DIS3L2: variants seen among roughly 807,000 people sequenced by gnomAD.
DIS3L2 encodes the protein DIS3 like 3'-5' exoribonuclease 2, also known as DIS3-like exonuclease 2.
A neutral mutation model predicts 97.5 loss-of-function variants in DIS3L2; 34 were observed. The ratio of observed to expected loss-of-function variants is 0.35; its 90% CI spans 0.27 to 0.46. The LOEUF is 0.46. Among genes scored for constraint, DIS3L2 ranks in the 20% least tolerant of loss-of-function variants. The pLI, the probability that DIS3L2 is intolerant of heterozygous loss-of-function variation, is 1.00. For missense variants in DIS3L2, 1,038 were observed against 1,146.0 expected, an observed-to-expected ratio of 0.91 and a Z score of 1.36; for synonymous variants, 435 against 445.2, an observed-to-expected ratio of 0.98 and a Z score of 0.29.
chr2:232,326,306 A>C, intron 14 of DIS3L2, among the ~76,000 whole-genome samples: 1 of 139,760 alleles, frequency 7.2e-6, no homozygotes, highest in Admixed American at 7.0e-5. Flanking sequence ...CCCACCCTGC[A>C]CCGTCCAGCT....
At chr2:232,125,562 A>G (rs1047034545) in intron 6 of DIS3L2, among the ~76,000 whole-genome samples, 6 of 152,172 alleles carry the variant, frequency 3.9e-5, no homozygotes, top group Non-Finnish European at 7.4e-5. Context: ...CACTTTACCC[A>G]TAGTATAAGT....
chr2:232,240,472 G>T (rs1693050659), intron 11 of DIS3L2, among the ~76,000 whole-genome samples: 1 of 152,184 alleles, frequency 6.6e-6, no homozygotes, highest in African/African-American at 2.4e-5. Context: ...ATGGGCAATA[G>T]GTAATCTCAA....
intron 16 of DIS3L2, among the ~76,000 whole-genome samples, chr2:232,333,366 G>A (rs1166770570): frequency 6.9e-6 from 1 of 145,810 alleles, no homozygotes; most frequent in Non-Finnish European, 1.5e-5. Context: ...CTTCCTGGGC[G>A]AGAGTAGCAG....
rs1481302589 is a variant in DIS3L2 at position 232,130,665 on chromosome 2, C to T, written c.648C>T (p.Cys216=). ...CGGTTACAAAAGATGAGACCACCTG[C>T]ATTTCACAAGACACAAGAGCTTTAT... The part of the protein sequence containing the change: ...DAPVTKDETT[C]ISQDTRALSE... Residue 216 remains cysteine (C), a synonymous_variant, in exon 7 of 21, where the codon TGC becomes TGT. Coordinates refer to ENST00000325385, the MANE Select transcript of DIS3L2 (RefSeq NM_152383.5). 6.2e-7 allele frequency: 1 copy of T among 1,613,880 alleles called. No homozygotes were observed.
intron 7 of DIS3L2, chr2:232,131,379 CCTCCCTGGTTCAAGCGATT>C (rs1446207923): frequency 1.3e-5 from 2 of 152,358 alleles, no homozygotes; most frequent in African/African-American, 2.4e-5. Context: ...GCAACCTCTG[CCTCCCTGGTTCAAGCGATT>C]CTTCTGCCTC....
At position 232,154,790 on chromosome 2, in the gene DIS3L2, C is replaced by T. The variant is rs1483557288; in HGVS notation, c.951-8669C>T. Among the ~76,000 whole-genome samples the T allele has an allele frequency of 1.2e-4, 17 of 144,722 alleles. No homozygotes were observed. The East Asian group carries it at 3.4e-3, about 29-fold the overall frequency. 94.9% of individuals were successfully genotyped at this position (144,722 alleles called of 152,430 possible). On this transcript the variant is annotated intron_variant, in intron 8 of 20. Transcript: ENST00000325385. ...AGCAAGCCTGGGCAATGGCGGGCGC[C>T]CCTCCCCCAGCCTCGTTGCCGCCTT... is the stretch of plus-strand genomic sequence containing the variant.
rs72998165 is a variant in DIS3L2 at position 232,292,125 on chromosome 2, G to C, written c.1660-7915G>C. Among the ~76,000 whole-genome samples the C allele has an allele frequency of 6.6e-6, 1 of 152,072 alleles. No individual in the cohort carries two copies. Among genetic ancestry groups the C allele is most frequent in the South Asian group, 2.1e-4 (1 of 4,824 alleles). On this transcript the variant is annotated intron_variant, in intron 13 of 20. Coordinates refer to ENST00000325385, the MANE Select transcript of DIS3L2 (RefSeq NM_152383.5). This position sits in a 1 kb window ranked among gnomAD's most constrained non-coding sequence, Gnocchi z 4.4. ...ACACTTTCCTGTCTTGTCTCGTCAC[G>C]CTTCTGGTTATTCTTATGAATGTAG...
chr2:232,100,804 G>GGTGT (rs61079731), intron 6 of DIS3L2, among the ~76,000 whole-genome samples: 21,344 of 147,476 alleles, frequency 0.14, 1,739 homozygotes, highest in Non-Finnish European at 0.19. Context: ...TTGAAAGAAA[G>GGTGT]GTGTGTGTGT....
chr2:232,148,744 CTTTCT>C (rs1326464656), intron 8 of DIS3L2, among the ~76,000 whole-genome samples: 3 of 77,394 alleles, frequency 3.9e-5, no homozygotes, highest in Non-Finnish European at 7.9e-5. Flanking sequence ...CCTTAATTTT[CTTTCT>C]TTTTTTTTTT....
rs147363266 is a variant in DIS3L2, at chr2:232,140,807, T to C, written c.950+4088T>C. 2.7e-3 allele frequency among the ~76,000 whole-genome samples: 410 copies of C among 152,300 alleles called. 2 individuals carry two copies. Among genetic ancestry groups the C allele is most frequent in the African/African-American group, 9.1e-3 (377 of 41,568 alleles). On this transcript the variant is annotated intron_variant, in intron 8 of 20. Coordinates refer to ENST00000325385, the MANE Select transcript of DIS3L2 (RefSeq NM_152383.5). ...CAACATTGGAGACTTCCAGTTGTTATAAAGTTATTTTCTATCTTGTTCTTA... is the reference window on the plus strand; with the variant it reads ...CAACATTGGAGACTTCCAGTTGTTACAAAGTTATTTTCTATCTTGTTCTTA...
At chr2:232,124,221 T>C (rs1191705776) in intron 6 of DIS3L2, among the ~76,000 whole-genome samples, 1 of 151,982 alleles carries the variant, frequency 6.6e-6, no homozygotes, top group East Asian at 1.9e-4. Flanking sequence ...ACAACAGAAG[T>C]GGCCCTTCAA....
At chr2:232,109,314 A>G (rs1343763176) in intron 6 of DIS3L2, among the ~76,000 whole-genome samples, 1 of 152,082 alleles carries the variant, frequency 6.6e-6, no homozygotes, top group Non-Finnish European at 1.5e-5. Flanking sequence ...GGTGGCACAC[A>G]TCTGTAATCT....
At chr2:232,210,931 A>C (rs1028395532) in intron 10 of DIS3L2, among the ~76,000 whole-genome samples, 2 of 152,092 alleles carry the variant, frequency 1.3e-5, no homozygotes, top group African/African-American at 4.8e-5. Context: ...CTATCCAGCA[A>C]GTTGAGAAAG....
intron 1 of DIS3L2, among the ~76,000 whole-genome samples, chr2:231,977,956 C>T (rs998323436): frequency 2.4e-4 from 37 of 152,066 alleles, no homozygotes; most frequent in African/African-American, 8.7e-4. Context: ...TTCTTGTATC[C>T]CTGCCCTACC....
At chr2:232,303,093 T>C (rs1040930090) in intron 14 of DIS3L2, among the ~76,000 whole-genome samples, 15 of 152,298 alleles carry the variant, frequency 9.8e-5, no homozygotes, top group African/African-American at 3.6e-4. Context: ...GCTCATGACT[T>C]CCATCTTCCC....
At chr2:232,182,708 A>G (rs1691326094) in intron 9 of DIS3L2, among the ~76,000 whole-genome samples, 1 of 151,938 alleles carries the variant, frequency 6.6e-6, no homozygotes, top group Admixed American at 6.6e-5. Context: ...CTTGAATTCT[A>G]TTTTGTCTGC....
At chr2:232,018,184 G>A (rs1452356364) in intron 3 of DIS3L2, among the ~76,000 whole-genome samples, 1 of 152,162 alleles carries the variant, frequency 6.6e-6, no homozygotes, top group Non-Finnish European at 1.5e-5. Flanking sequence ...CGAAGGAGAG[G>A]ACAGCGTTCT....
At chr2:232,301,585 G>C (rs1332624674) in intron 14 of DIS3L2, among the ~76,000 whole-genome samples, 2 of 152,158 alleles carry the variant, frequency 1.3e-5, no homozygotes, top group Non-Finnish European at 2.9e-5. Flanking sequence ...ATGACTGTTT[G>C]TAATTTATCT....
intron 3 of DIS3L2, chr2:232,023,104 C>A (rs904005783): frequency 6.6e-6 from 1 of 152,220 alleles, no homozygotes; most frequent in African/African-American, 2.4e-5. Flanking sequence ...TCTCTGAAGC[C>A]TCTTCTGGTG....
Sources: gnomAD v4.1 joint callset for allele counts (sites outside exome capture counted in the v4.1 genomes callset) on GRCh38, gnomAD v4.1.1 for gene constraint, Gnocchi (gnomAD v3.1) non-coding constraint, MANE v1.5 for transcripts, NCBI Gene and HGNC (gene_info 2026-07-23, HGNC 2026-07-21) for gene names.